The following CHLSN variants were observed in gnomAD, a reference collection of about 807,000 sequenced individuals.
CHLSN encodes protein cholesin.
At chr7:1,082,741 T>C in the CHLSN span, among the ~76,000 whole-genome samples, 2 of 152,190 alleles carry the variant, frequency 1.3e-5, no homozygotes, top group Non-Finnish European at 2.9e-5. Flanking sequence ...CCCCATCTCG[T>C]AACCCTCTGG....
chr7:1,049,115 G>A, the CHLSN span, among the ~76,000 whole-genome samples: 5 of 152,218 alleles, frequency 3.3e-5, no homozygotes, highest in Non-Finnish European at 5.9e-5. Context: ...CCACAGGTGC[G>A]TCCTGGGGGC....
At chr7:1,126,930 C>T in the CHLSN span, among the ~76,000 whole-genome samples, 1 of 152,108 alleles carries the variant, frequency 6.6e-6, no homozygotes, top group African/African-American at 2.4e-5. Context: ...AGCCGCCCCT[C>T]GCACCTTCCC....
At chr7:1,112,096 A>C in the CHLSN span, among the ~76,000 whole-genome samples, 2 of 152,204 alleles carry the variant, frequency 1.3e-5, no homozygotes, top group East Asian at 3.8e-4. Context: ...GACCACAAAG[A>C]AGCAGCGCTG....
the CHLSN span, chr7:997,831 CAG>C: frequency 6.3e-7 from 1 of 1,593,292 alleles, no homozygotes; most frequent in Middle Eastern, 1.7e-4. Flanking sequence ...TCGAGTTGGT[CAG>C]GGGCGGGGCA....
the CHLSN span, among the ~76,000 whole-genome samples, chr7:1,130,032 G>A: frequency 1.3e-5 from 2 of 152,148 alleles, no homozygotes; most frequent in Non-Finnish European, 2.9e-5. Flanking sequence ...CCCATCACAG[G>A]ACACCTGGCA....
At chr7:1,083,500 C>T in the CHLSN span, among the ~76,000 whole-genome samples, 25 of 151,946 alleles carry the variant, frequency 1.6e-4, no homozygotes, top group Non-Finnish European at 2.8e-4. Context: ...TGGTGGCAGA[C>T]GCCTGTAGTC....
chr7:992,247 G>A, the CHLSN span, among the ~76,000 whole-genome samples: 1 of 152,208 alleles, frequency 6.6e-6, no homozygotes, highest in African/African-American at 2.4e-5. Context: ...GCTGCTCTTG[G>A]CCCCAGATCT....
At chr7:1,009,229 C>T in the CHLSN span, among the ~76,000 whole-genome samples, 3,674 of 152,280 alleles carry the variant, frequency 0.024, 84 homozygotes, top group Non-Finnish European at 0.042. Context: ...GGACACCCTG[C>T]CCCTCAGGGT....
At chr7:1,122,187 G>A in the CHLSN span, among the ~76,000 whole-genome samples, 2 of 152,232 alleles carry the variant, frequency 1.3e-5, no homozygotes, top group Admixed American at 1.3e-4. Flanking sequence ...CCACGCCTCT[G>A]CCCCTGGCAC....
chr7:1,024,423 TGGGACAGGAGAGACGCAGGAGCCCCAG>T, the CHLSN span: 15 of 152,218 alleles, frequency 9.9e-5, no homozygotes, highest in African/African-American at 3.6e-4. Context: ...AACGGACCCA[TGGGACAGGAGAGACGCAGGAGCCCCAG>T]GGGACAAGAG....
chr7:989,744 C>A, the CHLSN span: 1 of 183,018 alleles, frequency 5.5e-6, no homozygotes, highest in South Asian at 9.1e-5. Flanking sequence ...CGCACCACTG[C>A]ACTCCAGCCT....
chr7:1,113,471 G>A, the CHLSN span, among the ~76,000 whole-genome samples: 88 of 152,234 alleles, frequency 5.8e-4, no homozygotes, highest in African/African-American at 1.9e-3. Context: ...GCAGGGGCAC[G>A]GACTTGCTTC....
chr7:1,070,225 C>T, the CHLSN span, among the ~76,000 whole-genome samples: 4 of 138,560 alleles, frequency 2.9e-5, no homozygotes, highest in East Asian at 6.1e-4. Context: ...GGAGCGTCTC[C>T]GCCCGGCAGC....
At chr7:1,084,078 G>A in the CHLSN span, among the ~76,000 whole-genome samples, 2 of 152,254 alleles carry the variant, frequency 1.3e-5, no homozygotes, top group Middle Eastern at 3.2e-3. Context: ...CCTAAAGTCA[G>A]GATATGGCAC....
chr7:1,010,804 G>A, the CHLSN span, among the ~76,000 whole-genome samples: 5 of 152,144 alleles, frequency 3.3e-5, no homozygotes, highest in South Asian at 8.3e-4. Flanking sequence ...CGGGGCAGCC[G>A]GGCCACGGGG....
chr7:980,660 C>T, the CHLSN span, among the ~76,000 whole-genome samples: 2 of 150,210 alleles, frequency 1.3e-5, no homozygotes, highest in Non-Finnish European at 3.0e-5. Context: ...TAGAGGAGTA[C>T]TGTTAATTCC....
chr7:1,122,620 C>A, the CHLSN span, among the ~76,000 whole-genome samples: 5 of 152,330 alleles, frequency 3.3e-5, no homozygotes, highest in African/African-American at 7.2e-5. Flanking sequence ...GGGCAGCAGG[C>A]CTGGCTCAGC....
At chr7:997,991 G>T in the CHLSN span, among the ~76,000 whole-genome samples, 1 of 152,264 alleles carries the variant, frequency 6.6e-6, no homozygotes, top group Non-Finnish European at 1.5e-5. Flanking sequence ...TGCCTGTTTA[G>T]AGGCAGACAA....
the CHLSN span, chr7:988,353 C>G: frequency 7.4e-6 from 12 of 1,612,650 alleles, no homozygotes; most frequent in Non-Finnish European, 1.0e-5. Flanking sequence ...CAGTTCAACC[C>G]CGGCCATTTC....
Sources: allele counts gnomAD v4.1 joint callset (sites outside exome capture counted in the v4.1 genomes callset), GRCh38; gene constraint gnomAD v4.1.1; transcripts MANE v1.5; gene names NCBI Gene and HGNC (gene_info 2026-07-23, HGNC 2026-07-21).